TXNDC9: variants seen among roughly 807,000 people sequenced by gnomAD.
TXNDC9 encodes thioredoxin domain-containing protein 9.
A neutral mutation model predicts 23.0 loss-of-function variants in TXNDC9; 7 were observed. That is an observed-to-expected ratio of 0.30 (90% CI 0.17 to 0.57). The LOEUF is 0.57. Ranked by LOEUF, TXNDC9 falls within the 20% of genes least tolerant of loss-of-function variation. TXNDC9 has a pLI of 0.90. For synonymous variants in TXNDC9, 72 were observed against 90.6 expected, an observed-to-expected ratio of 0.79 and a Z score of 1.17; for missense variants, 198 against 252.6, an observed-to-expected ratio of 0.78 and a Z score of 1.47.
chr2:99,307,251 T>C, the TXNDC9 span, among the ~76,000 whole-genome samples: 2 of 151,576 alleles, frequency 1.3e-5, no homozygotes, highest in East Asian at 1.9e-4. Context: ...TTCTGAGGTA[T>C]GGCAAGAAAC....
Position 99,319,573 on chromosome 2 carries a change from G to A in TXNDC9, c.*109C>T, listed in dbSNP as rs2094196733. The stretch of plus-strand genomic sequence containing the variant: ...GATGTGATACAACTGTATAAAACTC[G>A]AGAATATGAGTATTTAGGTGACCAA... On this transcript the variant is annotated 3_prime_UTR_variant, in exon 5 of 5. Coordinates refer to ENST00000264255, the MANE Select transcript of TXNDC9 (RefSeq NM_005783.4). 2.6e-6 allele frequency: 2 copies of A among 782,500 alleles called. No individual in the cohort carries two copies. Among genetic ancestry groups the A allele is most frequent in the Non-Finnish European group, 2.1e-6 (1 of 474,626 alleles). 48.5% of individuals were successfully genotyped at this position (782,500 alleles called of 1,614,324 possible).
At position 99,336,293 on chromosome 2, in the gene TXNDC9, T is replaced by C. The variant is rs2094240311; in HGVS notation, c.-87A>G. 1.0e-6 allele frequency: 1 copy of C among 985,288 alleles called. No homozygotes were observed. The allele number at this position is 985,288 out of a possible 1,614,324, so 61.0% of individuals were successfully genotyped here. Reference sequence around the variant, plus strand: ...AAGAGCAGCAGTTTCAAAAGACACGTCCACTCCGGCTTTTGCCTTGCAGTA... The same window carrying C: ...AAGAGCAGCAGTTTCAAAAGACACGCCCACTCCGGCTTTTGCCTTGCAGTA... On this transcript the variant is annotated 5_prime_UTR_variant, in exon 1 of 5. Transcript: ENST00000264255.
intron 1 of TXNDC9, among the ~76,000 whole-genome samples, chr2:99,333,935 T>C (rs2094231904): frequency 6.6e-6 from 1 of 152,372 alleles, no homozygotes; most frequent in South Asian, 2.1e-4. Flanking sequence ...CCAAATACTT[T>C]TCTAAATTTT....
At chr2:99,328,710 T>C (rs2094218396) in intron 2 of TXNDC9, among the ~76,000 whole-genome samples, 1 of 152,082 alleles carries the variant, frequency 6.6e-6, no homozygotes, top group African/African-American at 2.4e-5. Context: ...GTGCAGTGGC[T>C]GATGCCTGTA....
the TXNDC9 span, among the ~76,000 whole-genome samples, chr2:99,309,145 G>C: frequency 1.3e-5 from 2 of 152,148 alleles, no homozygotes; most frequent in Admixed American, 1.3e-4. Context: ...GGCTGAGGCA[G>C]GTGGATTGCT....
At chr2:99,333,788 AAAG>A in intron 1 of TXNDC9, among the ~76,000 whole-genome samples, 1 of 152,318 alleles carries the variant, frequency 6.6e-6, no homozygotes, top group South Asian at 2.1e-4. Context: ...CCATTTATGT[AAAG>A]AAGAGTGCCT....
At chr2:99,316,275 A>C (rs957271171), downstream of TXNDC9, among the ~76,000 whole-genome samples, 1 of 152,182 alleles carries the variant, frequency 6.6e-6, no homozygotes, top group African/African-American at 2.4e-5. Flanking sequence ...TCCTGGGCTC[A>C]AGTGATCCTC....
chr2:99,330,290 C>CAAAAAAAAAAAAAAAAAAAAAA lies in TXNDC9; in HGVS notation c.190-2659_190-2638dup, dbSNP rs528602849. ...GGGCAACAGAGCAAGACTCTTATCT[C>CAAAAAAAAAAAAAAAAAAAAAA]AAAAAAAAAAAAAAAAAAAAAAAAA... On this transcript the variant is annotated intron_variant, in intron 2 of 4. Transcript: ENST00000264255. Among the ~76,000 whole-genome samples, 13 of 28,166 alleles carry CAAAAAAAAAAAAAAAAAAAAAA rather than the reference C, an allele frequency of 4.6e-4. 3 individuals are homozygous for CAAAAAAAAAAAAAAAAAAAAAA. The highest frequency in any genetic ancestry group is 1.2e-3 in the East Asian group (1 of 854). The allele number at this position is 28,166 out of a possible 152,430, so 18.5% of individuals were successfully genotyped here.
intron 2 of TXNDC9, among the ~76,000 whole-genome samples, chr2:99,330,290 C>CAAAAAGAAAAAAAA (rs2094221733): frequency 3.6e-5 from 1 of 28,160 alleles, no homozygotes; most frequent in South Asian, 2.6e-3. Flanking sequence ...ACTCTTATCT[C>CAAAAAGAAAAAAAA]AAAAAAAAAA....
At chr2:99,315,283 T>C (rs1367659768), downstream of TXNDC9, among the ~76,000 whole-genome samples, 2 of 151,978 alleles carry the variant, frequency 1.3e-5, no homozygotes, top group Non-Finnish European at 1.5e-5. Flanking sequence ...GCCAGGATGG[T>C]CTCGATCTCC....
intron 1 of TXNDC9, among the ~76,000 whole-genome samples, chr2:99,335,585 G>A (rs1268189970): frequency 6.6e-6 from 1 of 152,132 alleles, no homozygotes; most frequent in Non-Finnish European, 1.5e-5. Context: ...TATCGCCCAA[G>A]AAAAATGTCA....
Position 99,330,290 on chromosome 2 carries a change from CAAAAAAAAAAAA to C in TXNDC9, c.190-2649_190-2638del, listed in dbSNP as rs528602849. On this transcript the variant is annotated intron_variant, in intron 2 of 4. Coordinates refer to ENST00000264255, the MANE Select transcript of TXNDC9 (RefSeq NM_005783.4). ...GGGCAACAGAGCAAGACTCTTATCTCAAAAAAAAAAAAAAAAAAAAAAAAAAAAAGCTGCTAT... is the reference window on the plus strand; with the variant it reads ...GGGCAACAGAGCAAGACTCTTATCTCAAAAAAAAAAAAAAAAAGCTGCTAT... Among the ~76,000 whole-genome samples, 9 of 28,166 alleles carry C rather than the reference CAAAAAAAAAAAA, an allele frequency of 3.2e-4. No homozygotes were observed. The East Asian group carries it at 3.5e-3, about 11-fold the overall frequency. 18.5% of individuals were successfully genotyped at this position (28,166 alleles called of 152,430 possible).
chr2:99,309,310 G>A, the TXNDC9 span, among the ~76,000 whole-genome samples: 1 of 151,888 alleles, frequency 6.6e-6, no homozygotes, highest in Admixed American at 6.6e-5. Context: ...GCAGGTCGAG[G>A]GTGGAGTGAA....
At chr2:99,316,472 G>A (rs1201570022), downstream of TXNDC9, among the ~76,000 whole-genome samples, 1 of 152,050 alleles carries the variant, frequency 6.6e-6, no homozygotes, top group East Asian at 1.9e-4. Flanking sequence ...TTGGGCCAAT[G>A]GGTTTTCTTA....
At chr2:99,327,826 C>G (rs977651778) in intron 2 of TXNDC9, among the ~76,000 whole-genome samples, 173 bp from the exon 3 acceptor site, 3 of 149,188 alleles carry the variant, frequency 2.0e-5, no homozygotes, top group Non-Finnish European at 4.5e-5. Flanking sequence ...TGCTCTGTCA[C>G]CAGGCTGGAG....
the TXNDC9 span, among the ~76,000 whole-genome samples, chr2:99,309,170 T>G: frequency 1.1e-4 from 16 of 150,536 alleles, no homozygotes; most frequent in Non-Finnish European, 1.9e-4. Context: ...CCCTAGAGTT[T>G]GAGACCAGCC....
chr2:99,311,592 G>A, the TXNDC9 span, among the ~76,000 whole-genome samples: 1 of 151,838 alleles, frequency 6.6e-6, no homozygotes, highest in African/African-American at 2.4e-5. Context: ...ACCACACCCA[G>A]CCCTCAGGCT....
At chr2:99,322,853 C>T in intron 3 of TXNDC9, 1 of 574,678 alleles carries the variant, frequency 1.7e-6, no homozygotes, top group Non-Finnish European at 2.5e-6. Flanking sequence ...GCTCCGCCTC[C>T]CTGGTTCATG....
At position 99,330,608 on chromosome 2, in the gene TXNDC9, A is replaced by G. The variant is rs150385847; in HGVS notation, c.189+2414T>C. Among the ~76,000 whole-genome samples the G allele has an allele frequency of 4.3e-3, 648 of 152,266 alleles. 7 individuals are homozygous for G. Among genetic ancestry groups the G allele is most frequent in the African/African-American group, 0.015 (617 of 41,560 alleles). ...GTGGCTGTCACCCAAGCCTCTGCTT[A>G]ACTCCTATTTCTTACCTTATCCCTC... is the stretch of plus-strand genomic sequence containing the variant. On this transcript the variant is annotated intron_variant, in intron 2 of 4. Coordinates refer to ENST00000264255, the MANE Select transcript of TXNDC9 (RefSeq NM_005783.4).
Sources: gnomAD v4.1 joint callset for allele counts (sites outside exome capture counted in the v4.1 genomes callset) on GRCh38, gnomAD v4.1.1 for gene constraint, MANE v1.5 for transcripts, NCBI Gene and HGNC (gene_info 2026-07-23, HGNC 2026-07-21) for gene names.